Variants in SPINK6 observed in about 807,000 individuals in gnomAD.
SPINK6 encodes the protein serine protease inhibitor Kazal-type 6.
In SPINK6, 13 loss-of-function variants were observed where a neutral mutation model predicts 11.7. The observed-to-expected ratio is 1.11, with a 90% CI of 0.72 to 1.76. The LOEUF is 1.76. Among genes scored for constraint, SPINK6 ranks in the 40% most tolerant of loss-of-function variants. The probability of loss-of-function intolerance (pLI) is 0.00; values close to 1 mark genes in which losing one functional copy is unlikely to be tolerated. For synonymous variants in SPINK6, 21 were observed against 31.9 expected (o/e 0.66, Z 1.15); for missense variants, 98 against 93.7 (o/e 1.05, Z -0.19).
Position 148,210,280 on chromosome 5 carries a change from A to G in SPINK6, c.82-3630A>G, listed in dbSNP as rs370545557. On this transcript the variant is annotated intron_variant, in intron 2 of 3. Coordinates refer to ENST00000325630, the MANE Select transcript of SPINK6 (RefSeq NM_205841.4). ...TACATATATATGTATGTGTTTCTGC[A>G]TACATATATATGTATGTTTCTGCAT... Among the ~76,000 whole-genome samples, 22 of 22,066 alleles carry G rather than the reference A, an allele frequency of 1.0e-3. 6 individuals are homozygous for G. In the East Asian group the frequency reaches 0.034, roughly 34 times the overall value. 14.5% of individuals were successfully genotyped at this position (22,066 alleles called of 152,430 possible). A position where few individuals can be genotyped will look rare whatever the true frequency, so the allele number is the denominator to read the frequency against.
chr5:148,212,632 AT>A (rs1755623068), intron 2 of SPINK6, among the ~76,000 whole-genome samples: 8 of 102,184 alleles, frequency 7.8e-5, no homozygotes, highest in African/African-American at 3.6e-4. Context: ...TATATTATAT[AT>A]TATATATAAT....
intron 2 of SPINK6, among the ~76,000 whole-genome samples, chr5:148,212,614 T>TA (rs1755621854): frequency 9.8e-6 from 1 of 102,266 alleles, no homozygotes; most frequent in East Asian, 2.8e-4. Flanking sequence ...TAATATATAT[T>TA]TATATTATAT....
chr5:148,210,007 C>CATACACACGTGCGTATGT lies in SPINK6; in HGVS notation c.82-3901_82-3900insACACACGTGCGTATGTAT, dbSNP rs1554112271. 1.9e-5 allele frequency among the ~76,000 whole-genome samples: 2 copies of CATACACACGTGCGTATGT among 105,726 alleles called. 1 individual carries two copies. Among genetic ancestry groups the CATACACACGTGCGTATGT allele is most frequent in the Non-Finnish European group, 3.7e-5 (2 of 54,618 alleles). The allele number at this position is 105,726 out of a possible 152,430, so 69.4% of individuals were successfully genotyped here. A position where few individuals can be genotyped will look rare whatever the true frequency, so the allele number is the denominator to read the frequency against. On this transcript the variant is annotated intron_variant, in intron 2 of 3. Coordinates refer to ENST00000325630, the MANE Select transcript of SPINK6 (RefSeq NM_205841.4). ...ATGTATACATATACACGTATGTATACATGTATGTACGCATGTACGCATGCA... is the reference window on the plus strand; with the variant it reads ...ATGTATACATATACACGTATGTATACATACACACGTGCGTATGTATGTATGTACGCATGTACGCATGCA...
At chr5:148,212,697 AT>A (rs1332410761) in intron 2 of SPINK6, among the ~76,000 whole-genome samples, 1 of 117,156 alleles carries the variant, frequency 8.5e-6, no homozygotes, top group African/African-American at 3.4e-5. Context: ...TAAACTATAT[AT>A]TTATACAATA....
At chr5:148,208,902 T>A (rs1235293401) in intron 2 of SPINK6, among the ~76,000 whole-genome samples, 1 of 152,236 alleles carries the variant, frequency 6.6e-6, no homozygotes, top group African/African-American at 2.4e-5. Context: ...CCTATCAGGC[T>A]CTGTATTTGG....
chr5:148,208,499 A>C (rs1288671060), intron 2 of SPINK6, among the ~76,000 whole-genome samples: 2 of 152,346 alleles, frequency 1.3e-5, no homozygotes, highest in East Asian at 3.9e-4. Context: ...AATTCTCTAC[A>C]TGATGAGACA....
At position 148,203,161 on chromosome 5, in the gene SPINK6, T is replaced by A. The variant is rs771911186; in HGVS notation, c.58+7T>A. The A allele has an allele frequency of 3.8e-5, 61 of 1,606,550 alleles. No homozygotes were observed. The highest frequency in any genetic ancestry group is 5.1e-5 in the Non-Finnish European group (60 of 1,177,018). On this transcript the variant is annotated splice_region_variant and intron_variant, in intron 1 of 3. Coordinates refer to ENST00000325630, the MANE Select transcript of SPINK6 (RefSeq NM_205841.4). ...CTTTTCTGCTTTTTAACAGGTAAGT[T>A]TTTTCTTAAAATTAAGATCCCATAT...
rs868408524 is a variant in SPINK6, at chr5:148,209,971, C to T, written c.81+3913C>T. Among the ~76,000 whole-genome samples, 5 of 145,478 alleles carry T rather than the reference C, an allele frequency of 3.4e-5. 1 individual carries two copies. The highest frequency in any genetic ancestry group is 1.4e-4 in the African/African-American group (5 of 36,304). On this transcript the variant is annotated intron_variant, in intron 2 of 3. Transcript: ENST00000325630. ...TTTCATATATATGTATACATACATA[C>T]GTACGTATGTATGTATACATATACA...
At chr5:148,209,981 TATGTATA>T (rs1755553224) in intron 2 of SPINK6, among the ~76,000 whole-genome samples, 1 of 121,884 alleles carries the variant, frequency 8.2e-6, no homozygotes, top group Non-Finnish European at 1.5e-5. Flanking sequence ...CGTACGTATG[TATGTATA>T]CATATACACG....
At chr5:148,214,267 G>C (rs914165796) in intron 3 of SPINK6, among the ~76,000 whole-genome samples, 1 of 152,044 alleles carries the variant, frequency 6.6e-6, no homozygotes, top group Non-Finnish European at 1.5e-5. Context: ...TATTGTCTTA[G>C]ACAAGTTTTC....
At chr5:148,205,964 T>A in intron 1 of SPINK6, 72 bp from the exon 2 acceptor site, 2 of 1,525,368 alleles carry the variant, frequency 1.3e-6, no homozygotes. Flanking sequence ...ATTAGGAATT[T>A]CCTAATGTTG....
chr5:148,211,141 G>A (rs987202774), intron 2 of SPINK6, among the ~76,000 whole-genome samples: 2 of 144,344 alleles, frequency 1.4e-5, no homozygotes, highest in Non-Finnish European at 2.9e-5. Context: ...AACCCCTGGG[G>A]CCCAGAGAGA....
intron 2 of SPINK6, 56 bp downstream of exon 2, chr5:148,206,114 C>T: frequency 6.2e-7 from 1 of 1,601,234 alleles, no homozygotes; most frequent in South Asian, 1.1e-5. Context: ...GCTTGATCTT[C>T]ACTGGCCAAA....
chr5:148,205,875 A>AAAAG (rs1755490737), intron 1 of SPINK6, among the ~76,000 whole-genome samples, 161 bp from the exon 2 acceptor site: 1 of 152,008 alleles, frequency 6.6e-6, no homozygotes, highest in Admixed American at 6.6e-5. Flanking sequence ...TTAAAAAAAA[A>AAAAG]AAGAAGAAGA....
chr5:148,215,049 A>G lies in SPINK6; in HGVS notation c.*99A>G. The G allele has an allele frequency of 8.7e-7, 1 of 1,154,364 alleles. No homozygotes were observed. The highest frequency in any genetic ancestry group is 1.3e-6 in the Non-Finnish European group (1 of 772,204). The allele number at this position is 1,154,364 out of a possible 1,614,324, so 71.5% of individuals were successfully genotyped here. ...TGGTGGATTCCTTTAATTCATAAAG[A>G]CATACCTACTCTGCCTGGGTCTTGA... On this transcript the variant is annotated 3_prime_UTR_variant, in exon 4 of 4. Transcript: ENST00000325630.
intron 2 of SPINK6, among the ~76,000 whole-genome samples, chr5:148,207,822 T>G (rs943740595): frequency 1.2e-4 from 19 of 152,150 alleles, no homozygotes; most frequent in African/African-American, 1.4e-4. Context: ...ATTTAAATTT[T>G]ACTACTTACT....
chr5:148,210,198 G>A (rs111163107), intron 2 of SPINK6, among the ~76,000 whole-genome samples: 26 of 136,294 alleles, frequency 1.9e-4, no homozygotes, highest in South Asian at 4.8e-4. Context: ...ATTTCTGCAT[G>A]CATATGTATT....
chr5:148,205,993 C>A, intron 1 of SPINK6, 43 bp from the exon 2 acceptor site: 2 of 1,610,060 alleles, frequency 1.2e-6, no homozygotes, highest in South Asian at 2.2e-5. Context: ...ACTTTTTGTA[C>A]ATCAATGAAT....
At position 148,206,030 on chromosome 5, in the gene SPINK6, T is replaced by C. The variant is rs543907922; in HGVS notation, c.59-6T>C. ...ACAGTGTTTGAATGTTGTGCTTTTCTTTCAGGTGTCTTCAGTCAGGGAGGA... is the reference window on the plus strand; with the variant it reads ...ACAGTGTTTGAATGTTGTGCTTTTCCTTCAGGTGTCTTCAGTCAGGGAGGA... On this transcript the variant is annotated splice_region_variant and splice_polypyrimidine_tract_variant and intron_variant, in intron 1 of 3. Coordinates refer to ENST00000325630, the MANE Select transcript of SPINK6 (RefSeq NM_205841.4). 1 of 1,614,076 alleles carries C rather than the reference T, an allele frequency of 6.2e-7. No individual in the cohort carries two copies. The highest frequency in any genetic ancestry group is 1.3e-5 in the African/African-American group (1 of 75,056).
Sources: gnomAD v4.1 joint callset for allele counts (sites outside exome capture counted in the v4.1 genomes callset) on GRCh38, gnomAD v4.1.1 for gene constraint, MANE v1.5 for transcripts, NCBI Gene and HGNC (gene_info 2026-07-23, HGNC 2026-07-21) for gene names.